Variants in PHLDB2 observed in about 807,000 individuals in gnomAD.
PHLDB2 encodes the protein pleckstrin homology like domain family B member 2, also known as pleckstrin homology-like domain family B member 2.
A neutral mutation model predicts 123.6 loss-of-function variants in PHLDB2; 71 were observed. That is an observed-to-expected ratio of 0.57 (90% confidence interval 0.47 to 0.70). PHLDB2 has a LOEUF of 0.70. Ranked by LOEUF, PHLDB2 falls within the 30% of genes least tolerant of loss-of-function variation. The probability of loss-of-function intolerance (pLI) is 0.00; values close to 1 mark genes in which losing one functional copy is unlikely to be tolerated. For synonymous variants in PHLDB2, 547 were observed against 541.6 expected (o/e 1.01, Z -0.14); for missense variants, 1,446 against 1,519.5 (o/e 0.95, Z 0.80).
At chr3:111,768,474 A>G (rs2108038350) in intron 1 of PHLDB2, among the ~76,000 whole-genome samples, 1 of 152,304 alleles carries the variant, frequency 6.6e-6, no homozygotes. Flanking sequence ...TGCTAAAACT[A>G]TGGCCTGCAG....
intron 1 of PHLDB2, among the ~76,000 whole-genome samples, chr3:111,844,300 T>C (rs934758391): frequency 3.9e-5 from 6 of 152,210 alleles, no homozygotes; most frequent in African/African-American, 1.4e-4. Context: ...AATCTTGTTC[T>C]CTACCCTGCA....
In PHLDB2 at chr3:111,953,946, G is replaced by C. The variant is rs757796090; in HGVS notation, c.2789G>C (p.Gly930Ala). 6.2e-7 allele frequency: 1 copy of C among 1,613,694 alleles called. No homozygotes were observed. Among genetic ancestry groups the C allele is most frequent in the Non-Finnish European group, 8.5e-7 (1 of 1,179,794 alleles). Reference protein sequence around the residue: ...SITPKAHLPLGQSNSCGSVLP... With the variant: ...SITPKAHLPLAQSNSCGSVLP... ...TTCCCGCAGGCCCATCTGCCCCTAG[G>C]ACAGAGTAACAGCTGTGGAAGTGTG... Residue 930 changes from glycine to alanine, a missense_variant, in exon 12 of 18, where the codon GGA becomes GCA. Physicochemically the swap from Gly to Ala is moderately conservative, Grantham distance 60. Around this residue, in one of 3 missense-constraint regions of PHLDB2, gnomAD observed 594 missense variants for 646.0 expected, o/e 0.92. Transcript: ENST00000431670.
chr3:111,973,835 A>G lies in PHLDB2; in HGVS notation c.3621+18A>G. 6.8e-7 allele frequency: 1 copy of G among 1,459,910 alleles called. No individual in the cohort carries two copies. The highest frequency in any genetic ancestry group is 9.4e-7 in the Non-Finnish European group (1 of 1,058,302). 90.4% of individuals were successfully genotyped at this position (1,459,910 alleles called of 1,614,324 possible). ...CTAATAAGGTAAACATCAGTTTTCT[A>G]AATTCCTACAATTTGAATGCATAAT... On this transcript the variant is annotated intron_variant, in intron 17 of 17. Transcript: ENST00000431670.
chr3:111,827,204 C>T (rs940874198), intron 1 of PHLDB2, among the ~76,000 whole-genome samples: 1 of 152,140 alleles, frequency 6.6e-6, no homozygotes, highest in Non-Finnish European at 1.5e-5. Flanking sequence ...GAAATGTGAC[C>T]ACATCCTTCC....
At chr3:111,929,141 C>G (rs1417284341) in intron 5 of PHLDB2, among the ~76,000 whole-genome samples, 1 of 152,128 alleles carries the variant, frequency 6.6e-6, no homozygotes, top group African/African-American at 2.4e-5. Flanking sequence ...TTGTGCACAC[C>G]TGTAGTCCCA....
At chr3:111,930,134 G>A (rs1014598740) in intron 5 of PHLDB2, among the ~76,000 whole-genome samples, 9 of 151,094 alleles carry the variant, frequency 6.0e-5, no homozygotes, top group Admixed American at 1.3e-4. Flanking sequence ...GGATGGTCTC[G>A]ATCTTCTGAC....
chr3:111,839,684 C>A (rs1375907832), intron 1 of PHLDB2, among the ~76,000 whole-genome samples: 2 of 151,608 alleles, frequency 1.3e-5, no homozygotes, highest in African/African-American at 4.9e-5. Flanking sequence ...TGGTTATAAT[C>A]TCTAGGAAAA....
In PHLDB2 at chr3:111,940,559, C is replaced by T; in HGVS notation, c.2311C>T (p.Gln771Ter). ...RKEKISALKK[Q>*]ANHIVQQAQR... ...GGAAAAAATTTCTGCATTGAAAAAG[C>T]AAGCCAATCACATTGTTCAGCAGGC... Residue 771 changes from glutamine (Q) to a stop codon, truncating the protein, a stop_gained, in exon 8 of 18, where the codon CAA becomes TAA. Coordinates refer to ENST00000431670, the MANE Select transcript of PHLDB2 (RefSeq NM_001134438.2). LOFTEE classifies it high-confidence loss of function. The T allele has an allele frequency of 6.3e-7, 1 of 1,599,594 alleles. No individual in the cohort carries two copies. The highest frequency in any genetic ancestry group is 8.5e-7 in the Non-Finnish European group (1 of 1,173,684).
In PHLDB2 at chr3:111,952,584, C is replaced by G; in HGVS notation, c.2644C>G (p.Leu882Val). Residue 882 changes from leucine (L) to valine (V), a missense_variant, in exon 11 of 18, where the codon CTG becomes GTG. Coordinates refer to ENST00000431670, the MANE Select transcript of PHLDB2 (RefSeq NM_001134438.2). ...TTTGCATTTAAAGCACTTTAGAAGTCTGGAAGAAAGGAAAAAACAGCATAA... is the reference window on the plus strand; with the variant it reads ...TTTGCATTTAAAGCACTTTAGAAGTGTGGAAGAAAGGAAAAAACAGCATAA... ...QPQSKEHFRS[L>V]EERKKQHKEG... 1.2e-6 allele frequency: 2 copies of G among 1,612,670 alleles called. No homozygotes were observed. Among genetic ancestry groups the G allele is most frequent in the Non-Finnish European group, 8.5e-7 (1 of 1,179,576 alleles).
chr3:111,912,502 T>C (rs2067946901), intron 2 of PHLDB2, among the ~76,000 whole-genome samples: 1 of 152,182 alleles, frequency 6.6e-6, no homozygotes, highest in South Asian at 2.1e-4. Context: ...ATTCTATCTC[T>C]TTTATAATTT....
At chr3:111,949,487 G>A (rs1264004265) in intron 10 of PHLDB2, among the ~76,000 whole-genome samples, 3 of 152,110 alleles carry the variant, frequency 2.0e-5, no homozygotes, top group Non-Finnish European at 2.9e-5. Context: ...GCCTTCTAGG[G>A]GAGGGGTCAA....
exon 1 of PHLDB2, chr3:111,732,700 C>A: frequency 6.5e-7 from 1 of 1,534,702 alleles, no homozygotes; most frequent in Non-Finnish European, 8.7e-7. Context: ...AAGCAGCAGA[C>A]AAGGTAGGTG....
chr3:111,804,724 G>T (rs181932350), intron 1 of PHLDB2, among the ~76,000 whole-genome samples: 4 of 152,208 alleles, frequency 2.6e-5, no homozygotes, highest in African/African-American at 9.6e-5. Context: ...ATTTTGGGGG[G>T]AAAACTTTGC....
At chr3:111,887,166 C>G (rs976377826) in intron 2 of PHLDB2, among the ~76,000 whole-genome samples, 1 of 152,126 alleles carries the variant, frequency 6.6e-6, no homozygotes, top group African/African-American at 2.4e-5. Flanking sequence ...CCAGATTTTC[C>G]AAATCTGGTA....
chr3:111,758,013 TG>T (rs915570606), intron 1 of PHLDB2, among the ~76,000 whole-genome samples: 10 of 152,238 alleles, frequency 6.6e-5, no homozygotes, highest in African/African-American at 2.4e-4. Flanking sequence ...CTGCCCCTAC[TG>T]GGGGGTGCCT....
At chr3:111,846,337 G>C (rs757616754) in intron 2 of PHLDB2, 2 of 171,912 alleles carry the variant, frequency 1.2e-5, no homozygotes, top group African/African-American at 2.4e-5. Flanking sequence ...TCTGAGGAGG[G>C]AGGAGGCTCC....
At chr3:111,918,001 C>CA (rs1413879242) in intron 3 of PHLDB2, among the ~76,000 whole-genome samples, 1 of 151,530 alleles carries the variant, frequency 6.6e-6, no homozygotes, top group African/African-American at 2.4e-5. Context: ...CTTGCTGATC[C>CA]AAAAAAATTA....
chr3:111,850,016 C>T (rs1409051539), intron 2 of PHLDB2, among the ~76,000 whole-genome samples: 1 of 152,052 alleles, frequency 6.6e-6, no homozygotes, highest in Non-Finnish European at 1.5e-5. Flanking sequence ...CGCCCACCAC[C>T]ACACCCAGCT....
Position 111,846,259 on chromosome 3 carries a change from G to A in PHLDB2, c.67+324G>A, listed in dbSNP as rs569442444. On this transcript the variant is annotated intron_variant, in intron 2 of 17. Coordinates refer to the PHLDB2 transcript ENST00000393923. ...GAAATCAAAGCCTGCACAAGAAAGG[G>A]TGGGATGGGATGTATAGAGAAAGAC... The A allele has an allele frequency of 1.0e-4, 27 of 261,008 alleles. 1 individual carries two copies. The South Asian group carries it at 1.5e-3, about 14-fold the overall frequency. 16.2% of individuals were successfully genotyped at this position (261,008 alleles called of 1,614,324 possible). A position where few individuals can be genotyped will look rare whatever the true frequency, so the allele number is the denominator to read the frequency against.
Sources: gnomAD v4.1 joint callset for allele counts (sites outside exome capture counted in the v4.1 genomes callset) on GRCh38, gnomAD v4.1.1 for gene constraint, gnomAD v4.1.1 regional missense constraint, MANE v1.5 for transcripts, NCBI Gene and HGNC (gene_info 2026-07-23, HGNC 2026-07-21) for gene names.